The following ADCY5 variants were observed in gnomAD, a reference collection of about 807,000 sequenced individuals.
ADCY5 encodes the protein adenylate cyclase 5.
A neutral mutation model predicts 119.7 loss-of-function variants in ADCY5; 30 were observed. That is an observed-to-expected ratio of 0.25 (90% CI 0.19 to 0.34). The LOEUF (loss-of-function observed/expected upper bound fraction) is 0.34, where lower values mean the gene tolerates loss of function less well. Ranked by LOEUF, ADCY5 falls within the 10% of genes least tolerant of loss-of-function variation. The probability of loss-of-function intolerance (pLI) is 1.00; values close to 1 mark genes in which losing one functional copy is unlikely to be tolerated. For missense variants in ADCY5, 1,324 were observed against 1,775.2 expected (o/e 0.75, Z 4.57); for synonymous variants, 753 against 762.2 (o/e 0.99, Z 0.20).
chr3:123,284,413 G>C lies in ADCY5; in HGVS notation c.*195C>G. 1.3e-6 allele frequency: 1 copy of C among 780,470 alleles called. No homozygotes were observed. The highest frequency in any genetic ancestry group is 2.8e-5 in the East Asian group (1 of 36,322). The allele number at this position is 780,470 out of a possible 1,614,324, so 48.3% of individuals were successfully genotyped here. A position where few individuals can be genotyped will look rare whatever the true frequency, so the allele number is the denominator to read the frequency against. ...TTGGTCAGCTGGGTGCTCGCAGGAC[G>C]CTGGCACCCCGGGGCCTGGGACAGA... On this transcript the variant is annotated 3_prime_UTR_variant, in exon 21 of 21. Transcript: ENST00000462833.
In ADCY5 at chr3:123,361,769, T is replaced by C. The variant is rs570352787; in HGVS notation, c.1135-9188A>G. ...AGGTATCTTGGAGATGGTACACAAG[T>C]CTAAACATGAAATTCATTTATGTTT... On this transcript the variant is annotated intron_variant, in intron 1 of 20. Transcript: ENST00000462833. Among the ~76,000 whole-genome samples, 6 of 152,314 alleles carry C rather than the reference T, an allele frequency of 3.9e-5. No individual in the cohort carries two copies. In the South Asian group the frequency reaches 1.2e-3, roughly 32 times the overall value.
intron 1 of ADCY5, among the ~76,000 whole-genome samples, chr3:123,395,011 G>A (rs920127837): frequency 2.0e-5 from 3 of 152,190 alleles, no homozygotes; most frequent in African/African-American, 7.2e-5. Context: ...TTGTTACTGA[G>A]ACCCTTCATT....
At chr3:123,423,114 C>T (rs1466400311) in intron 1 of ADCY5, among the ~76,000 whole-genome samples, 1 of 152,166 alleles carries the variant, frequency 6.6e-6, no homozygotes, top group African/African-American at 2.4e-5. Context: ...CAAGAGGATA[C>T]AGGAGGTCTG....
At position 123,329,014 on chromosome 3, in the gene ADCY5, G is replaced by A. The variant is rs555270247; in HGVS notation, c.1647-212C>T. ...TGTGAAAGGGGCTGTTCCCGGCCTGGCCACAAGGTGGCGCGGTGCCACACT... is the reference window on the plus strand; with the variant it reads ...TGTGAAAGGGGCTGTTCCCGGCCTGACCACAAGGTGGCGCGGTGCCACACT... On this transcript the variant is annotated intron_variant, in intron 5 of 20. Transcript: ENST00000462833. Among the ~76,000 whole-genome samples the A allele has an allele frequency of 2.5e-4, 38 of 152,304 alleles. No homozygotes were observed. The East Asian group carries it at 7.1e-3, about 29-fold the overall frequency.
chr3:123,300,388 G>A, intron 14 of ADCY5, 93 bp from the exon 15 acceptor site: 1 of 1,403,508 alleles, frequency 7.1e-7, no homozygotes, highest in East Asian at 2.5e-5. Flanking sequence ...TGGCTCAAGT[G>A]AGGCCTGGGC....
Position 123,296,110 on chromosome 3 carries a change from G to T in ADCY5, c.3037C>A (p.Arg1013Ser). 1 of 1,614,026 alleles carries T rather than the reference G, an allele frequency of 6.2e-7. No individual in the cohort carries two copies. Among genetic ancestry groups the T allele is most frequent in the Non-Finnish European group, 8.5e-7 (1 of 1,179,980 alleles). Reference protein sequence around the residue: ...LHAQQVESTARLDFLWKLQAT... With the variant: ...LHAQQVESTASLDFLWKLQAT... ...TGCAGTTTCCAGAGGAAGTCGAGGCGGGCAGTGGACTCCACCTGCTGGGCG... is the reference window on the plus strand; with the variant it reads ...TGCAGTTTCCAGAGGAAGTCGAGGCTGGCAGTGGACTCCACCTGCTGGGCG... Residue 1013 changes from arginine (R) to serine (S), a missense_variant, in exon 17 of 21, where the codon CGC becomes AGC. This residue lies in a region of ADCY5 where 14 missense variants were observed against 24.4 expected (regional missense o/e 0.57). Transcript: ENST00000462833.
At chr3:123,330,531 G>C (rs565140558) in intron 5 of ADCY5, among the ~76,000 whole-genome samples, 1 of 152,174 alleles carries the variant, frequency 6.6e-6, no homozygotes, top group Non-Finnish European at 1.5e-5. Flanking sequence ...CCAGCAGTTC[G>C]ATGCCTGGCT....
chr3:123,393,829 A>C (rs1422392861), intron 1 of ADCY5, among the ~76,000 whole-genome samples: 1 of 142,282 alleles, frequency 7.0e-6, no homozygotes, highest in Non-Finnish European at 1.5e-5. Flanking sequence ...GGAACTATGC[A>C]CAACAACAAC....
intron 1 of ADCY5, among the ~76,000 whole-genome samples, chr3:123,379,660 G>A (rs1177430422): frequency 6.6e-6 from 1 of 151,872 alleles, no homozygotes; most frequent in Non-Finnish European, 1.5e-5. Context: ...GAGAGGCTCT[G>A]TGACTGCACA....
chr3:123,437,293 T>G (rs1331386947), intron 1 of ADCY5, among the ~76,000 whole-genome samples: 1 of 152,118 alleles, frequency 6.6e-6, no homozygotes, highest in Non-Finnish European at 1.5e-5. Context: ...TCTCAGGAAG[T>G]AACTCCCTGG....
intron 2 of ADCY5, among the ~76,000 whole-genome samples, chr3:123,348,603 G>C (rs993886675): frequency 1.3e-5 from 2 of 152,146 alleles, no homozygotes; most frequent in Non-Finnish European, 2.9e-5. Context: ...CCAGGAGAGT[G>C]GGAAAGCAAA....
At chr3:123,354,461 C>T (rs1431179781) in intron 1 of ADCY5, among the ~76,000 whole-genome samples, 1 of 152,124 alleles carries the variant, frequency 6.6e-6, no homozygotes, top group Non-Finnish European at 1.5e-5. Flanking sequence ...AAGAAATAGA[C>T]CATGGCCTGA....
chr3:123,297,777 A>G (rs1247240345), intron 15 of ADCY5, among the ~76,000 whole-genome samples: 1 of 152,232 alleles, frequency 6.6e-6, no homozygotes, highest in Non-Finnish European at 1.5e-5. Flanking sequence ...CTGAGCCTCA[A>G]CATGGGGCTG....
At chr3:123,396,546 AAG>A (rs1944575988) in intron 1 of ADCY5, among the ~76,000 whole-genome samples, 1 of 141,970 alleles carries the variant, frequency 7.0e-6, no homozygotes, top group Admixed American at 7.1e-5. Context: ...GAAAGAAAGA[AAG>A]AAAGAAAAAG....
intron 1 of ADCY5, among the ~76,000 whole-genome samples, chr3:123,447,172 C>T (rs536801406): frequency 2.1e-4 from 32 of 152,334 alleles, no homozygotes; most frequent in African/African-American, 7.7e-4. Flanking sequence ...GGCTACAGTT[C>T]AGTACACGTT....
At chr3:123,347,110 C>T (rs1559825597) in intron 3 of ADCY5, among the ~76,000 whole-genome samples, 2 of 152,018 alleles carry the variant, frequency 1.3e-5, no homozygotes, top group Non-Finnish European at 2.9e-5. Flanking sequence ...GAATGCATTC[C>T]CCACCCTTTT....
chr3:123,358,327 G>A (rs72626335), intron 1 of ADCY5, among the ~76,000 whole-genome samples: 16,038 of 152,152 alleles, frequency 0.11, 2,143 homozygotes, highest in African/African-American at 0.3. Flanking sequence ...ACAAGCAGCC[G>A]GATGCAGTGG....
intron 1 of ADCY5, among the ~76,000 whole-genome samples, chr3:123,368,449 T>C (rs1057162790): frequency 2.0e-5 from 3 of 152,108 alleles, no homozygotes; most frequent in East Asian, 3.9e-4. Context: ...TACAAAAAAT[T>C]AGCTGGGCAT....
chr3:123,383,508 G>C (rs1249704625), intron 1 of ADCY5, among the ~76,000 whole-genome samples: 1 of 152,180 alleles, frequency 6.6e-6, no homozygotes, highest in Non-Finnish European at 1.5e-5. Flanking sequence ...TCACAGCTCA[G>C]CCTCAATGCC....
Sources: gnomAD v4.1 joint callset for allele counts (sites outside exome capture counted in the v4.1 genomes callset) on GRCh38, gnomAD v4.1.1 for gene constraint, gnomAD v4.1.1 regional missense constraint, MANE v1.5 for transcripts, NCBI Gene and HGNC (gene_info 2026-07-23, HGNC 2026-07-21) for gene names.